Variants in SRGN observed in about 807,000 individuals in gnomAD.
SRGN encodes serglycin, also known as hematopoetic proteoglycan core peptide.
SRGN carries 2 observed loss-of-function variants against 9.5 expected under a neutral mutation model. The ratio of observed to expected loss-of-function variants is 0.21; its 90% confidence interval spans 0.09 to 0.66. SRGN has a LOEUF of 0.66. SRGN is among the 30% of genes least tolerant of loss of function. SRGN has a pLI of 0.83. For synonymous variants in SRGN, 59 were observed against 72.3 expected, an observed-to-expected ratio of 0.82 and a Z score of 0.93; for missense variants, 170 against 192.4, an observed-to-expected ratio of 0.88 and a Z score of 0.69.
intron 2 of SRGN, 101 bp from the exon 3 acceptor site, chr10:69,103,770 A>G (rs1840335749): frequency 4.0e-6 from 5 of 1,252,742 alleles, no homozygotes; most frequent in Non-Finnish European, 5.5e-6. Context: ...GAGCAACTAG[A>G]TGGCTGTATT....
Position 69,097,176 on chromosome 10 carries a change from G to T in SRGN, c.172G>T (p.Glu58Ter). The T allele has an allele frequency of 6.2e-7, 1 of 1,614,048 alleles. No individual in the cohort carries two copies. Among genetic ancestry groups the T allele is most frequent in the Non-Finnish European group, 8.5e-7 (1 of 1,179,970 alleles). Residue 58 changes from glutamate to a stop codon, truncating the protein, a stop_gained, in exon 2 of 3, where the codon GAA becomes TAA. Transcript: ENST00000242465. LOFTEE classifies it high-confidence loss of function. Reference protein sequence around the residue: ...NCLEEKGPMFELLPGESNKIP... With the variant: ...NCLEEKGPMF ...CCTTGAAGAAAAAGGACCAATGTTCGAACTACTTCCAGGTGAATCCAACAA... is the reference window on the plus strand; with the variant it reads ...CCTTGAAGAAAAAGGACCAATGTTCTAACTACTTCCAGGTGAATCCAACAA...
At chr10:69,090,605 T>C (rs887576876) in intron 1 of SRGN, among the ~76,000 whole-genome samples, 2 of 152,188 alleles carry the variant, frequency 1.3e-5, no homozygotes, top group East Asian at 1.9e-4. Context: ...CACCAGGCAT[T>C]GGATCAGGGC....
intron 1 of SRGN, 132 bp downstream of exon 1, chr10:69,088,368 G>A: frequency 1.3e-6 from 1 of 752,298 alleles, no homozygotes; most frequent in Non-Finnish European, 2.2e-6. Flanking sequence ...AGGATTTGGG[G>A]TCGCTGAACC....
chr10:69,100,514 C>T (rs1339435074), intron 2 of SRGN, among the ~76,000 whole-genome samples: 5 of 152,102 alleles, frequency 3.3e-5, no homozygotes, highest in Admixed American at 3.3e-4. Context: ...CACCATTCCT[C>T]CTCTTCTCAA....
intron 1 of SRGN, among the ~76,000 whole-genome samples, chr10:69,089,629 C>T (rs942037538): frequency 1.3e-5 from 2 of 152,216 alleles, no homozygotes; most frequent in Non-Finnish European, 2.9e-5. Flanking sequence ...GGCATGGTGG[C>T]TCACGCCTGT....
At chr10:69,091,595 T>C (rs1314552537) in intron 1 of SRGN, among the ~76,000 whole-genome samples, 2 of 152,046 alleles carry the variant, frequency 1.3e-5, no homozygotes, top group African/African-American at 4.8e-5. Context: ...AATAGGAAAT[T>C]AGGCTCGGTA....
At chr10:69,098,826 G>A (rs1840231753) in intron 2 of SRGN, 1 of 152,222 alleles carries the variant, frequency 6.6e-6, no homozygotes, top group Non-Finnish European at 1.5e-5. Context: ...TAGGCATAGT[G>A]ATGTGCACCT....
At position 69,094,499 on chromosome 10, in the gene SRGN, AT is replaced by A. The variant is rs370320691; in HGVS notation, c.80-2580del. ...CAGTTATTTTTGTGTATTTCCTTCCATTTTTCCCCCCATGTCTGTTTATATA... is the reference window on the plus strand; with the variant it reads ...CAGTTATTTTTGTGTATTTCCTTCCATTTTCCCCCCATGTCTGTTTATATA... On this transcript the variant is annotated intron_variant, in intron 1 of 2. Coordinates refer to ENST00000242465, the MANE Select transcript of SRGN (RefSeq NM_002727.4). Among the ~76,000 whole-genome samples the A allele has an allele frequency of 3.8e-3, 578 of 152,134 alleles. 1 individual carries two copies. The highest frequency in any genetic ancestry group is 6.6e-3 in the Non-Finnish European group (447 of 67,984).
upstream of SRGN, among the ~76,000 whole-genome samples, chr10:69,087,949 T>C (rs1382629252): frequency 6.6e-6 from 1 of 152,082 alleles, no homozygotes; most frequent in African/African-American, 2.4e-5. Flanking sequence ...TCATAATGGG[T>C]ATGAATAGTT....
chr10:69,094,503 T>G (rs1840134244), intron 1 of SRGN, among the ~76,000 whole-genome samples: 1 of 152,232 alleles, frequency 6.6e-6, no homozygotes, highest in Non-Finnish European at 1.5e-5. Context: ...CCTTCCATTT[T>G]TCCCCCCATG....
intron 2 of SRGN, among the ~76,000 whole-genome samples, chr10:69,103,398 C>G (rs1840329121): frequency 6.6e-6 from 1 of 151,928 alleles, no homozygotes; most frequent in Non-Finnish European, 1.5e-5. Flanking sequence ...CAAAAATTAG[C>G]CAGGCATGGT....
chr10:69,092,228 T>C (rs1254512875), intron 1 of SRGN, among the ~76,000 whole-genome samples: 1 of 152,148 alleles, frequency 6.6e-6, no homozygotes, highest in Non-Finnish European at 1.5e-5. Context: ...AAGACATTTA[T>C]CTCAAGCAAG....
chr10:69,088,631 C>A (rs1377351299), intron 1 of SRGN, among the ~76,000 whole-genome samples: 2 of 152,100 alleles, frequency 1.3e-5, no homozygotes, highest in East Asian at 1.9e-4. Context: ...AGTTTTAGTG[C>A]GCTGTGACGG....
intron 2 of SRGN, among the ~76,000 whole-genome samples, chr10:69,097,572 A>G (rs979340828): frequency 1.8e-4 from 28 of 151,624 alleles, no homozygotes; most frequent in East Asian, 9.7e-4. Flanking sequence ...GACTACAGGC[A>G]CCCGCCACCA....
chr10:69,091,861 T>C (rs10998566), intron 1 of SRGN, among the ~76,000 whole-genome samples: 7,257 of 94,308 alleles, frequency 0.077, 337 homozygotes, highest in African/African-American at 0.16. Context: ...GCCTGGGCGA[T>C]AGACTGAGAC....
intron 1 of SRGN, among the ~76,000 whole-genome samples, chr10:69,090,255 T>C (rs538225117): frequency 3.9e-5 from 6 of 152,318 alleles, no homozygotes; most frequent in African/African-American, 1.4e-4. Flanking sequence ...TTCGACAACA[T>C]TCTTCCTGTC....
At chr10:69,101,012 C>T (rs1443451121) in intron 2 of SRGN, among the ~76,000 whole-genome samples, 2 of 146,854 alleles carry the variant, frequency 1.4e-5, no homozygotes, top group East Asian at 3.9e-4. Context: ...TACAGAGTCT[C>T]ACTCTTGTTG....
At chr10:69,089,723 G>A (rs553599391) in intron 1 of SRGN, among the ~76,000 whole-genome samples, 9 of 151,480 alleles carry the variant, frequency 5.9e-5, no homozygotes, top group Non-Finnish European at 7.4e-5. Flanking sequence ...GTGAAATCCC[G>A]TCTCTACCAA....
chr10:69,094,446 GA>G (rs932163738), intron 1 of SRGN, among the ~76,000 whole-genome samples: 1 of 151,776 alleles, frequency 6.6e-6, no homozygotes, highest in African/African-American at 2.4e-5. Flanking sequence ...AACAAAATGA[GA>G]AAAAAAATCA....
Sources: gnomAD v4.1 joint callset for allele counts (sites outside exome capture counted in the v4.1 genomes callset) on GRCh38, gnomAD v4.1.1 for gene constraint, MANE v1.5 for transcripts, NCBI Gene and HGNC (gene_info 2026-07-23, HGNC 2026-07-21) for gene names.